The following RARB variants were observed in gnomAD, a reference collection of about 807,000 sequenced individuals.
The protein encoded by RARB is retinoic acid receptor beta.
In RARB, 17 loss-of-function variants were observed where a neutral mutation model predicts 51.9. The observed-to-expected ratio is 0.33, with a 90% CI of 0.22 to 0.49. RARB has a LOEUF of 0.49. Among genes scored for constraint, RARB ranks in the 20% least tolerant of loss-of-function variants. The pLI, the probability that RARB is intolerant of heterozygous loss-of-function variation, is 0.99. For synonymous variants in RARB, 215 were observed against 195.4 expected, an observed-to-expected ratio of 1.10 and a Z score of -0.84; for missense variants, 369 against 550.8, an observed-to-expected ratio of 0.67 and a Z score of 3.30.
intron 2 of RARB, among the ~76,000 whole-genome samples, chr3:24,935,172 C>G (rs1033593145): frequency 1.3e-5 from 2 of 152,104 alleles, no homozygotes; most frequent in African/African-American, 2.4e-5. Flanking sequence ...AAGGCACTTT[C>G]ATATTCTGTT....
At chr3:25,103,214 A>G (rs1431767441) in intron 3 of RARB, among the ~76,000 whole-genome samples, 2 of 152,078 alleles carry the variant, frequency 1.3e-5, no homozygotes, top group Non-Finnish European at 2.9e-5. Flanking sequence ...ACCATTGGCC[A>G]ATGGTTGACT....
chr3:25,160,067 A>G (rs1453965465), intron 4 of RARB, among the ~76,000 whole-genome samples: 5 of 152,216 alleles, frequency 3.3e-5, no homozygotes, highest in African/African-American at 7.2e-5. Flanking sequence ...GCTTCTCTCT[A>G]TAAACTCACA....
At chr3:24,877,951 T>A (rs1703078620) in intron 2 of RARB, among the ~76,000 whole-genome samples, 1 of 152,166 alleles carries the variant, frequency 6.6e-6, no homozygotes. Context: ...AGACATGCAT[T>A]TAGCTGAAAA....
At chr3:25,581,824 A>G (rs536946274) in intron 5 of RARB, among the ~76,000 whole-genome samples, 1 of 152,110 alleles carries the variant, frequency 6.6e-6, no homozygotes, top group Non-Finnish European at 1.5e-5. Context: ...ACCTAAGATG[A>G]GAGCCCTCAC....
chr3:24,866,478 A>G (rs1010334516), intron 2 of RARB, among the ~76,000 whole-genome samples: 2 of 152,116 alleles, frequency 1.3e-5, no homozygotes, highest in Non-Finnish European at 2.9e-5. Context: ...TCATGTACCC[A>G]TGGTTCCAGA....
rs183640318 is a variant in RARB at position 25,086,482 on chromosome 3, A to T, written c.-328+26306A>T. Among the ~76,000 whole-genome samples, 30 of 152,324 alleles carry T rather than the reference A, an allele frequency of 2.0e-4. No homozygotes were observed. The East Asian group carries it at 5.8e-3, about 29-fold the overall frequency. The stretch of plus-strand genomic sequence containing the variant: ...AGAGTTTGAATTGTTGAAGGAAAGA[A>T]TCAAACTCTGTAAAATATTTAAAGA... On this transcript the variant is annotated intron_variant, in intron 3 of 11. Coordinates refer to the RARB transcript ENST00000383772.
chr3:25,154,488 C>A (rs980766224), intron 4 of RARB, among the ~76,000 whole-genome samples: 1 of 152,176 alleles, frequency 6.6e-6, no homozygotes, highest in Non-Finnish European at 1.5e-5. Flanking sequence ...GGGACCCTTG[C>A]AATAGTCTCC....
intron 3 of RARB, among the ~76,000 whole-genome samples, chr3:25,509,514 C>G (rs1412561839): frequency 6.6e-6 from 1 of 152,160 alleles, no homozygotes; most frequent in Non-Finnish European, 1.5e-5. Context: ...AAGTGCAGCT[C>G]CAAATATTAT....
intron 1 of RARB, among the ~76,000 whole-genome samples, chr3:25,454,642 C>CT (rs1461089767): frequency 6.6e-6 from 1 of 151,838 alleles, no homozygotes; most frequent in Non-Finnish European, 1.5e-5. Flanking sequence ...ATCCTGAAAT[C>CT]TGTCAACATC....
intron 2 of RARB, among the ~76,000 whole-genome samples, chr3:24,909,437 G>A (rs1241738039): frequency 6.6e-6 from 1 of 152,248 alleles, no homozygotes; most frequent in Non-Finnish European, 1.5e-5. Context: ...CACTGACGCG[G>A]GTGAATGCAG....
chr3:25,571,582 C>G (rs1310293105), intron 4 of RARB, among the ~76,000 whole-genome samples: 2 of 152,218 alleles, frequency 1.3e-5, no homozygotes, highest in African/African-American at 2.4e-5. Flanking sequence ...CAGGACAAGA[C>G]TGGACACTGT....
intron 5 of RARB, among the ~76,000 whole-genome samples, chr3:25,382,715 G>A (rs542603703): frequency 1.1e-4 from 17 of 152,212 alleles, no homozygotes; most frequent in Admixed American, 1.3e-4. Flanking sequence ...AGAATTAGCC[G>A]GGTGTGGCGG....
At chr3:25,208,695 T>C (rs761077566) in intron 5 of RARB, among the ~76,000 whole-genome samples, 17 of 152,168 alleles carry the variant, frequency 1.1e-4, no homozygotes, top group Non-Finnish European at 2.2e-4. Flanking sequence ...CCTTTTGTTA[T>C]TTGTTTTACA....
At chr3:25,194,724 T>A (rs978551255) in intron 5 of RARB, among the ~76,000 whole-genome samples, 10 of 151,828 alleles carry the variant, frequency 6.6e-5, no homozygotes, top group Admixed American at 2.6e-4. Flanking sequence ...AGAATGTACG[T>A]ATTTGTATAA....
At chr3:25,203,255 C>G (rs933088874) in intron 5 of RARB, among the ~76,000 whole-genome samples, 3 of 152,148 alleles carry the variant, frequency 2.0e-5, no homozygotes, top group East Asian at 3.9e-4. Flanking sequence ...GATTGCAACC[C>G]CTGCCTTTTT....
chr3:25,332,081 A>T (rs866672297), intron 5 of RARB, among the ~76,000 whole-genome samples: 7 of 152,204 alleles, frequency 4.6e-5, no homozygotes, highest in African/African-American at 1.7e-4. Flanking sequence ...TTCACAGCCA[A>T]ATTCTACCAG....
Position 25,300,983 on chromosome 3 carries a change from C to T in RARB, c.178+126408C>T, listed in dbSNP as rs141647949. On this transcript the variant is annotated intron_variant, in intron 5 of 11. Transcript: ENST00000383772. ...CTGCACTCCAGCCTGAGCTACAAAG[C>T]GAGACTCTGTCTCAAAACAAAAATC... 2.1e-3 allele frequency among the ~76,000 whole-genome samples: 314 copies of T among 152,212 alleles called. 1 individual carries two copies. Among genetic ancestry groups the T allele is most frequent in the South Asian group, 8.9e-3 (43 of 4,822 alleles).
chr3:25,146,813 C>G (rs1700201307), intron 4 of RARB, among the ~76,000 whole-genome samples: 1 of 152,252 alleles, frequency 6.6e-6, no homozygotes, highest in African/African-American at 2.4e-5. Context: ...GCCACGGCGC[C>G]CGGCATTTGC....
At chr3:25,571,463 G>C (rs556031660) in intron 4 of RARB, among the ~76,000 whole-genome samples, 6 of 152,352 alleles carry the variant, frequency 3.9e-5, no homozygotes, top group African/African-American at 1.4e-4. Context: ...GTGTCAGCCA[G>C]GAGAAACACT....
Sources: gnomAD v4.1 joint callset for allele counts (sites outside exome capture counted in the v4.1 genomes callset) on GRCh38, gnomAD v4.1.1 for gene constraint, MANE v1.5 for transcripts, NCBI Gene and HGNC (gene_info 2026-07-23, HGNC 2026-07-21) for gene names.